The following NFATC3 variants were observed in gnomAD, a reference collection of about 807,000 sequenced individuals.
NFATC3 encodes nuclear factor of activated T cells 3.
In NFATC3, 46 loss-of-function variants were observed where a neutral mutation model predicts 98.6. The observed-to-expected ratio is 0.47, with a 90% confidence interval of 0.37 to 0.60. The LOEUF is 0.60. NFATC3 is among the 20% of genes least tolerant of loss of function. The pLI, the probability that NFATC3 is intolerant of heterozygous loss-of-function variation, is 0.00. For synonymous variants in NFATC3, 512 were observed against 472.2 expected (o/e 1.08, Z -1.09); for missense variants, 1,256 against 1,295.5 (o/e 0.97, Z 0.47).
intron 3 of NFATC3, among the ~76,000 whole-genome samples, chr16:68,126,824 GGA>G (rs1467501917): frequency 6.6e-6 from 1 of 152,066 alleles, no homozygotes; most frequent in Non-Finnish European, 1.5e-5. Context: ...TTCCTTCTGG[GGA>G]GACTCTGGAG....
At chr16:68,163,730 C>T (rs1403184934) in intron 4 of NFATC3, among the ~76,000 whole-genome samples, 1,425 of 92,842 alleles carry the variant, frequency 0.015, no homozygotes, top group Middle Eastern at 0.043. Flanking sequence ...GACGGGGTCG[C>T]GGCTGGGCAG....
intron 1 of NFATC3, among the ~76,000 whole-genome samples, chr16:68,120,890 C>CT (rs1398140097): frequency 1.3e-5 from 2 of 152,076 alleles, no homozygotes; most frequent in African/African-American, 4.8e-5. Context: ...TTCCAATATC[C>CT]TATACTTTTT....
chr16:68,227,554 C>A lies in NFATC3; in HGVS notation c.*1083C>A, dbSNP rs954839174. On this transcript the variant is annotated 3_prime_UTR_variant, in exon 10 of 10. Coordinates refer to ENST00000346183, the MANE Select transcript of NFATC3 (RefSeq NM_173165.3). Reference sequence around the variant, plus strand: ...GGGAAGGTTTTAAGAGTCACACTGGCATGGAAGGCTTATCTGCCATTCTAT... The same window carrying A: ...GGGAAGGTTTTAAGAGTCACACTGGAATGGAAGGCTTATCTGCCATTCTAT... 5 of 152,240 alleles carry A rather than the reference C, an allele frequency of 3.3e-5. No homozygotes were observed. Among genetic ancestry groups the A allele is most frequent in the Non-Finnish European group, 7.3e-5 (5 of 68,074 alleles). The allele number at this position is 152,240 out of a possible 1,614,324, so 9.4% of individuals were successfully genotyped here. A position where few individuals can be genotyped will look rare whatever the true frequency, so the allele number is the denominator to read the frequency against.
chr16:68,202,630 A>T (rs973880091), intron 9 of NFATC3, among the ~76,000 whole-genome samples: 1 of 151,942 alleles, frequency 6.6e-6, no homozygotes, highest in Non-Finnish European at 1.5e-5. Flanking sequence ...TGGCCAATAT[A>T]GTGAAACCCC....
chr16:68,096,588 A>G (rs2035029938), intron 1 of NFATC3, among the ~76,000 whole-genome samples: 3 of 152,260 alleles, frequency 2.0e-5, no homozygotes, highest in South Asian at 2.1e-4. Flanking sequence ...GACTACAACA[A>G]TATTAATATA....
intron 9 of NFATC3, chr16:68,212,327 CTTTG>C (rs889270361): frequency 3.9e-5 from 6 of 152,034 alleles, no homozygotes; most frequent in Non-Finnish European, 7.4e-5. Flanking sequence ...TTGACTCTTC[CTTTG>C]TTTTTCTTTT....
chr16:68,121,983 G>A lies in NFATC3; in HGVS notation c.104-4G>A, dbSNP rs151280878. 20 of 1,534,252 alleles carry A rather than the reference G, an allele frequency of 1.3e-5. No individual in the cohort carries two copies. The highest frequency in any genetic ancestry group is 5.1e-5 in the South Asian group (4 of 79,146). On this transcript the variant is annotated splice_polypyrimidine_tract_variant and splice_region_variant and intron_variant, in intron 1 of 9. Transcript: ENST00000346183. ...TTTTTTTTTTTTTGCCTTCCTCCCC[G>A]TAGATCTTGAGCCAGATGATTGTGC...
intron 1 of NFATC3, among the ~76,000 whole-genome samples, chr16:68,106,367 A>G (rs2035655024): frequency 6.7e-6 from 1 of 149,022 alleles, no homozygotes; most frequent in Non-Finnish European, 1.5e-5. Flanking sequence ...ATCTTGGCTC[A>G]CTGCACCTCC....
intron 3 of NFATC3, among the ~76,000 whole-genome samples, chr16:68,130,457 A>G (rs919640546): frequency 1.3e-5 from 2 of 152,048 alleles, no homozygotes; most frequent in Non-Finnish European, 2.9e-5. Context: ...TCTCCTTTTG[A>G]GAAATGTCAT....
chr16:68,085,935 T>TA (rs1467116379), intron 1 of NFATC3, 151 bp downstream of exon 1: 3 of 562,540 alleles, frequency 5.3e-6, no homozygotes, highest in Non-Finnish European at 8.5e-6. Context: ...AAAACGGATT[T>TA]AAATCGCTGA....
chr16:68,109,807 G>T lies in NFATC3; in HGVS notation c.104-12180G>T. On this transcript the variant is annotated intron_variant, in intron 1 of 9. Coordinates refer to ENST00000346183, the MANE Select transcript of NFATC3 (RefSeq NM_173165.3). ...TTCTTTCTGGTTCAGTCTTAGGAGG[G>T]TGTATGTGTCCAGGAATTTATCAGT... Among the ~76,000 whole-genome samples, 2 of 151,994 alleles carry T rather than the reference G, an allele frequency of 1.3e-5. 1 individual carries two copies.
intron 9 of NFATC3, among the ~76,000 whole-genome samples, chr16:68,219,840 C>T (rs1053861851): frequency 9.2e-5 from 14 of 152,176 alleles, no homozygotes; most frequent in African/African-American, 2.9e-4. Flanking sequence ...CACTGGGTTA[C>T]CCTGCCCCTC....
At chr16:68,194,390 TC>T (rs1375946083) in intron 9 of NFATC3, among the ~76,000 whole-genome samples, 1 of 152,240 alleles carries the variant, frequency 6.6e-6, no homozygotes, top group Non-Finnish European at 1.5e-5. Context: ...ACTTGAGCAC[TC>T]TGGTATTTAA....
intron 5 of NFATC3, among the ~76,000 whole-genome samples, chr16:68,169,713 G>A (rs2039371015): frequency 6.6e-6 from 1 of 152,130 alleles, no homozygotes; most frequent in Non-Finnish European, 1.5e-5. Context: ...GGCCAAGGCA[G>A]GTGGATCACC....
chr16:68,101,274 G>C (rs1336162192), intron 1 of NFATC3, among the ~76,000 whole-genome samples: 7 of 151,526 alleles, frequency 4.6e-5, no homozygotes, highest in Non-Finnish European at 1.5e-5. Flanking sequence ...CTCTGTAATA[G>C]CTGGAACCAC....
chr16:68,086,519 A>G (rs2034386560), intron 1 of NFATC3: 1 of 303,332 alleles, frequency 3.3e-6, no homozygotes, highest in South Asian at 1.3e-4. Context: ...GGGCACCATC[A>G]TGCTTGCAGG....
rs974066465 is a variant in NFATC3 at position 68,221,590 on chromosome 16, A to G, written c.3107-4760A>G. ...ATTCAGGGGAAAACAAGATAGAGAA[A>G]GTCTGCCCCGTTGGAACTTAAATCT... On this transcript the variant is annotated intron_variant, in intron 9 of 9. Transcript: ENST00000346183. The G allele has an allele frequency of 1.5e-5, 16 of 1,088,084 alleles. No individual in the cohort carries two copies. In the South Asian group the frequency reaches 5.5e-4, roughly 37 times the overall value. The allele number at this position is 1,088,084 out of a possible 1,614,324, so 67.4% of individuals were successfully genotyped here.
chr16:68,166,142 T>C (rs1410232669), intron 4 of NFATC3, among the ~76,000 whole-genome samples: 2 of 152,256 alleles, frequency 1.3e-5, no homozygotes, highest in African/African-American at 4.8e-5. Context: ...CGTAGTTACA[T>C]GTGTAGAATT....
At chr16:68,169,109 A>G (rs2039346708) in intron 5 of NFATC3, among the ~76,000 whole-genome samples, 1 of 151,944 alleles carries the variant, frequency 6.6e-6, no homozygotes, top group African/African-American at 2.4e-5. Context: ...AATGGGTAAT[A>G]TAGGTATATG....
Sources: allele counts gnomAD v4.1 joint callset (sites outside exome capture counted in the v4.1 genomes callset), GRCh38; gene constraint gnomAD v4.1.1; transcripts MANE v1.5; gene names NCBI Gene and HGNC (gene_info 2026-07-23, HGNC 2026-07-21).